Variants in NUCB2 observed in about 807,000 individuals in gnomAD.
The protein encoded by NUCB2 is nucleobindin-2.
A neutral mutation model predicts 57.9 loss-of-function variants in NUCB2; 48 were observed. That is an observed-to-expected ratio of 0.83 (90% CI 0.66 to 1.05). The LOEUF (loss-of-function observed/expected upper bound fraction) is 1.05. Among genes scored for constraint, NUCB2 ranks in the 50% least tolerant of loss-of-function variants. NUCB2 has a pLI of 0.00. For synonymous variants in NUCB2, 139 were observed against 152.1 expected (o/e 0.91, Z 0.64); for missense variants, 442 against 476.2 (o/e 0.93, Z 0.67).
intron 11 of NUCB2, among the ~76,000 whole-genome samples, chr11:17,329,396 C>G (rs1000773211): frequency 3.3e-5 from 5 of 152,146 alleles, no homozygotes; most frequent in African/African-American, 1.2e-4. Context: ...GACTGCCTTT[C>G]AAGTTTACCT....
intron 11 of NUCB2, among the ~76,000 whole-genome samples, chr11:17,316,035 C>T (rs570505805): frequency 1.2e-4 from 18 of 152,062 alleles, no homozygotes; most frequent in Admixed American, 3.3e-4. Flanking sequence ...TGCAGTAGCG[C>T]GACCTTGGCT....
At chr11:17,342,094 T>C (rs1215662446) in intron 2 of NUCB2, among the ~76,000 whole-genome samples, 2 of 152,252 alleles carry the variant, frequency 1.3e-5, no homozygotes, top group Non-Finnish European at 2.9e-5. Flanking sequence ...ATTTTCTAGT[T>C]TATTTGCATG....
chr11:17,310,702 T>G, intron 6 of NUCB2, 123 bp from the exon 7 acceptor site: 2 of 605,792 alleles, frequency 3.3e-6, no homozygotes, highest in Non-Finnish European at 5.7e-6. Context: ...AAAAGAGGAG[T>G]CCAGTATGTT....
At chr11:17,281,291 A>G (rs760053205) in intron 1 of NUCB2, among the ~76,000 whole-genome samples, 2 of 149,794 alleles carry the variant, frequency 1.3e-5, no homozygotes, top group Non-Finnish European at 3.0e-5. Context: ...TAATTTTTTG[A>G]TTTTTTTTTG....
chr11:17,342,204 T>C (rs1591639608), intron 2 of NUCB2, among the ~76,000 whole-genome samples: 2 of 152,206 alleles, frequency 1.3e-5, no homozygotes, highest in South Asian at 4.1e-4. Flanking sequence ...GATTCTTCTC[T>C]CTTTTCTTCT....
At chr11:17,283,764 C>A (rs1943135249) in intron 2 of NUCB2, among the ~76,000 whole-genome samples, 1 of 152,282 alleles carries the variant, frequency 6.6e-6, no homozygotes, top group African/African-American at 2.4e-5. Flanking sequence ...ACTAAAATGA[C>A]AGAGATAAGT....
intron 4 of NUCB2, among the ~76,000 whole-genome samples, chr11:17,296,708 A>G (rs1254671442): frequency 6.6e-6 from 1 of 152,166 alleles, no homozygotes; most frequent in Non-Finnish European, 1.5e-5. Flanking sequence ...GTATATGGGA[A>G]ACTGGAAGCA....
At chr11:17,299,031 G>T (rs1014990286) in intron 4 of NUCB2, among the ~76,000 whole-genome samples, 5 of 152,138 alleles carry the variant, frequency 3.3e-5, no homozygotes, top group African/African-American at 1.2e-4. Flanking sequence ...ATTTTGAAAG[G>T]AGAATCATAT....
At chr11:17,287,672 C>CA (rs1158145912) in intron 2 of NUCB2, among the ~76,000 whole-genome samples, 17,406 of 65,166 alleles carry the variant, frequency 0.27, 3,088 homozygotes, top group East Asian at 0.54. Flanking sequence ...AACTCCACCT[C>CA]AAAAAAAAAA....
At chr11:17,310,770 T>A (rs1414731911) in intron 6 of NUCB2, 55 bp from the exon 7 acceptor site, 5 of 1,420,430 alleles carry the variant, frequency 3.5e-6, no homozygotes, top group African/African-American at 2.9e-5. Flanking sequence ...ATGGCTTTAT[T>A]TACATTTTTC....
At chr11:17,303,734 A>G (rs868397593) in intron 5 of NUCB2, among the ~76,000 whole-genome samples, 2 of 152,042 alleles carry the variant, frequency 1.3e-5, no homozygotes, top group Non-Finnish European at 2.9e-5. Context: ...AATATACAAA[A>G]ATCAGCTGGG....
intron 4 of NUCB2, among the ~76,000 whole-genome samples, chr11:17,300,335 T>A (rs1403686517): frequency 6.6e-6 from 1 of 152,198 alleles, no homozygotes; most frequent in Non-Finnish European, 1.5e-5. Context: ...TTTTAAAATA[T>A]ACCCACAGAG....
intron 10 of NUCB2, among the ~76,000 whole-genome samples, chr11:17,314,365 C>A (rs184039520): frequency 2.4e-4 from 36 of 152,296 alleles, no homozygotes; most frequent in African/African-American, 8.2e-4. Flanking sequence ...AGAAATACTT[C>A]AGTGGCTTGC....
Position 17,301,737 on chromosome 11 carries a change from T to G in NUCB2, c.253-7T>G. The stretch of plus-strand genomic sequence containing the variant: ...AGATAAAACTAACTTACTAATTTTG[T>G]TAACAGAGTGGGAGGCTAAGCAAAG... On this transcript the variant is annotated splice_region_variant and splice_polypyrimidine_tract_variant and intron_variant, in intron 4 of 13. Coordinates refer to ENST00000529010, the MANE Select transcript of NUCB2 (RefSeq NM_005013.4). The G allele has an allele frequency of 6.2e-7, 1 of 1,603,212 alleles. No homozygotes were observed. The highest frequency in any genetic ancestry group is 8.5e-7 in the Non-Finnish European group (1 of 1,171,202).
chr11:17,308,606 G>A (rs890578375), intron 5 of NUCB2, among the ~76,000 whole-genome samples: 13 of 152,008 alleles, frequency 8.6e-5, no homozygotes, highest in East Asian at 3.8e-4. Flanking sequence ...CTCGTATTGC[G>A]TTGTTTCTGG....
At chr11:17,299,266 G>A (rs1231443837) in intron 4 of NUCB2, among the ~76,000 whole-genome samples, 5 of 152,030 alleles carry the variant, frequency 3.3e-5, no homozygotes, top group African/African-American at 9.7e-5. Context: ...TCCTACCTTC[G>A]GGGTGTCCAA....
At chr11:17,339,283 T>C (rs1952054924) in intron 2 of NUCB2, among the ~76,000 whole-genome samples, 2 of 152,186 alleles carry the variant, frequency 1.3e-5, no homozygotes, top group African/African-American at 4.8e-5. Context: ...CCACTGTGCC[T>C]GGCTAATGGA....
At chr11:17,319,686 A>C (rs933753255) in intron 11 of NUCB2, among the ~76,000 whole-genome samples, 3 of 152,208 alleles carry the variant, frequency 2.0e-5, no homozygotes, top group African/African-American at 7.2e-5. Context: ...TTACACTGAT[A>C]TCTCCAGTTG....
Position 17,342,205 on chromosome 11 carries a change from C to A in NUCB2, n.2626+4671C>A, listed in dbSNP as rs569613124. Among the ~76,000 whole-genome samples the A allele has an allele frequency of 3.9e-5, 6 of 152,252 alleles. No homozygotes were observed. The South Asian group carries it at 1.2e-3, about 32-fold the overall frequency. ...TATTGCATCTATTTGATTCTTCTCT[C>A]TTTTCTTCTTTATTTGTCTTGCTAG... On this transcript the variant is annotated intron_variant and non_coding_transcript_variant, in intron 2 of 2. Transcript: ENST00000532240.
Sources: allele counts gnomAD v4.1 joint callset (sites outside exome capture counted in the v4.1 genomes callset), GRCh38; gene constraint gnomAD v4.1.1; transcripts MANE v1.5; gene names NCBI Gene and HGNC (gene_info 2026-07-23, HGNC 2026-07-21).